Variants in CAMK2D observed in about 807,000 individuals in gnomAD.
CAMK2D encodes the protein calcium/calmodulin-dependent protein kinase type II subunit delta.
In CAMK2D, 37 loss-of-function variants were observed where a neutral mutation model predicts 84.0. The observed-to-expected ratio is 0.44, with a 90% CI of 0.34 to 0.58. The LOEUF is 0.58. Among genes scored for constraint, CAMK2D ranks in the 20% least tolerant of loss-of-function variants. The probability of loss-of-function intolerance (pLI) is 0.02; values close to 1 mark genes in which losing one functional copy is unlikely to be tolerated. For missense variants in CAMK2D, 448 were observed against 652.5 expected (o/e 0.69, Z 3.41); for synonymous variants, 202 against 212.5 (o/e 0.95, Z 0.43).
At chr4:113,607,479 C>CAGTCA (rs1245597227) in intron 4 of CAMK2D, among the ~76,000 whole-genome samples, 1 of 152,124 alleles carries the variant, frequency 6.6e-6, no homozygotes, top group Non-Finnish European at 1.5e-5. Context: ...TGAAAATAGC[C>CAGTCA]AGGTCCTGCC....
intron 4 of CAMK2D, among the ~76,000 whole-genome samples, chr4:113,557,765 A>G (rs983763504): frequency 6.6e-6 from 1 of 152,124 alleles, no homozygotes; most frequent in Non-Finnish European, 1.5e-5. Context: ...TCCTACCCTT[A>G]GCTCCCCAAA....
chr4:113,686,330 T>G (rs978423323), intron 2 of CAMK2D, among the ~76,000 whole-genome samples: 2 of 152,210 alleles, frequency 1.3e-5, no homozygotes, highest in Admixed American at 6.5e-5. Flanking sequence ...TTCTCAATTC[T>G]CTGTAAAAAT....
chr4:113,717,721 C>G (rs1221308554), intron 2 of CAMK2D, among the ~76,000 whole-genome samples: 1 of 151,874 alleles, frequency 6.6e-6, no homozygotes, highest in Non-Finnish European at 1.5e-5. Flanking sequence ...GAGAATTGTT[C>G]GTATGCTTAA....
chr4:113,707,806 C>G (rs1450607283), intron 2 of CAMK2D, among the ~76,000 whole-genome samples: 1 of 152,146 alleles, frequency 6.6e-6, no homozygotes, highest in African/African-American at 2.4e-5. Flanking sequence ...CTTCAGCTCT[C>G]TAGTGGCATT....
intron 14 of CAMK2D, chr4:113,503,201 A>C (rs2154152504): frequency 1.4e-6 from 1 of 721,896 alleles, no homozygotes; most frequent in African/African-American, 1.7e-5. Flanking sequence ...AGCATGCAAA[A>C]GACCTTATTC....
At chr4:113,637,893 C>T (rs183342532) in intron 3 of CAMK2D, among the ~76,000 whole-genome samples, 3 of 152,134 alleles carry the variant, frequency 2.0e-5, no homozygotes, top group Admixed American at 2.0e-4. Context: ...AATACTAAAT[C>T]TTTATACAGT....
chr4:113,673,076 A>G (rs1424392866), intron 2 of CAMK2D, among the ~76,000 whole-genome samples: 8 of 152,140 alleles, frequency 5.3e-5, no homozygotes, highest in African/African-American at 1.7e-4. Flanking sequence ...AAGAGAAGGT[A>G]ATGAGACCCC....
At chr4:113,592,482 G>C (rs535518880) in intron 4 of CAMK2D, among the ~76,000 whole-genome samples, 1 of 152,272 alleles carries the variant, frequency 6.6e-6, no homozygotes, top group East Asian at 1.9e-4. Context: ...ACTTAAGAAG[G>C]CACCAATTTA....
intron 6 of CAMK2D, among the ~76,000 whole-genome samples, chr4:113,547,353 T>G (rs2098586746): frequency 6.6e-6 from 1 of 152,200 alleles, no homozygotes; most frequent in South Asian, 2.1e-4. Context: ...CAAACCCTAC[T>G]GAAAGTCACA....
At chr4:113,542,571 C>T (rs1011813998) in intron 6 of CAMK2D, among the ~76,000 whole-genome samples, 9 of 151,940 alleles carry the variant, frequency 5.9e-5, no homozygotes, top group Non-Finnish European at 2.9e-5. Flanking sequence ...AAAAATTAAT[C>T]GGGCATGGTG....
intron 4 of CAMK2D, among the ~76,000 whole-genome samples, chr4:113,596,167 A>G (rs1248556118): frequency 1.3e-5 from 2 of 152,232 alleles, no homozygotes; most frequent in Non-Finnish European, 2.9e-5. Flanking sequence ...ATTCATAAGA[A>G]GCAACTCCTC....
intron 3 of CAMK2D, among the ~76,000 whole-genome samples, chr4:113,628,361 A>G (rs1419439375): frequency 6.6e-6 from 1 of 152,198 alleles, no homozygotes; most frequent in Non-Finnish European, 1.5e-5. Context: ...GGAATAAGAA[A>G]TATAGCCTTG....
chr4:113,529,967 A>C (rs2098447178), intron 8 of CAMK2D, among the ~76,000 whole-genome samples: 1 of 152,204 alleles, frequency 6.6e-6, no homozygotes, highest in Admixed American at 6.5e-5. Flanking sequence ...AGTTTGTTAA[A>C]AAGGTAAAAG....
At chr4:113,649,719 T>C (rs2099165408) in intron 3 of CAMK2D, among the ~76,000 whole-genome samples, 1 of 152,226 alleles carries the variant, frequency 6.6e-6, no homozygotes, top group African/African-American at 2.4e-5. Context: ...TTCATCTTTG[T>C]AGTCTACCAG....
chr4:113,673,431 G>A (rs2099302099), intron 2 of CAMK2D, among the ~76,000 whole-genome samples: 1 of 152,130 alleles, frequency 6.6e-6, no homozygotes, highest in African/African-American at 2.4e-5. Context: ...TGCCCAAAAG[G>A]ACCACCTGGC....
intron 2 of CAMK2D, among the ~76,000 whole-genome samples, chr4:113,666,693 A>G (rs1195135984): frequency 6.6e-6 from 1 of 152,002 alleles, no homozygotes; most frequent in Non-Finnish European, 1.5e-5. Context: ...TAATTCTTCT[A>G]CTCCCCTTCC....
At chr4:113,455,192 A>C (rs897625056) in intron 20 of CAMK2D, among the ~76,000 whole-genome samples, 5 of 152,220 alleles carry the variant, frequency 3.3e-5, no homozygotes, top group African/African-American at 4.8e-5. Flanking sequence ...GTCAACTTTC[A>C]ATTATCCTCT....
chr4:113,494,234 A>C (rs570619488), intron 16 of CAMK2D, among the ~76,000 whole-genome samples: 5 of 152,208 alleles, frequency 3.3e-5, no homozygotes, highest in African/African-American at 1.2e-4. Context: ...TAGAGTTTCC[A>C]GTTTTTCTTT....
intron 16 of CAMK2D, among the ~76,000 whole-genome samples, chr4:113,496,015 G>A (rs1590171426): frequency 6.6e-6 from 1 of 152,318 alleles, no homozygotes; most frequent in South Asian, 2.1e-4. Flanking sequence ...TCTGAACAAT[G>A]GTGCTGGATG....
Sources: gnomAD v4.1 joint callset for allele counts (sites outside exome capture counted in the v4.1 genomes callset) on GRCh38, gnomAD v4.1.1 for gene constraint, MANE v1.5 for transcripts, NCBI Gene and HGNC (gene_info 2026-07-23, HGNC 2026-07-21) for gene names.